HES7: variants seen among roughly 807,000 people sequenced by gnomAD.
HES7 encodes the protein transcription factor HES-7.
A neutral mutation model predicts 18.0 loss-of-function variants in HES7; 8 were observed. That is an observed-to-expected ratio of 0.45 (90% CI 0.26 to 0.80). The LOEUF (loss-of-function observed/expected upper bound fraction) is 0.80, where lower values mean the gene tolerates loss of function less well. Among genes scored for constraint, HES7 ranks in the 30% least tolerant of loss-of-function variants. The pLI is 0.18. For missense variants in HES7, 356 were observed against 340.9 expected (o/e 1.04, Z -0.35); for synonymous variants, 170 against 158.6 (o/e 1.07, Z -0.54).
In HES7 at chr17:8,121,139, T is replaced by C. The variant is rs1981296378; in HGVS notation, c.*432A>G. On this transcript the variant is annotated 3_prime_UTR_variant, in exon 4 of 4. Coordinates refer to ENST00000541682, the MANE Select transcript of HES7 (RefSeq NM_001165967.2). ...TCTCAGTTCCCGCTCTGCTCTCTTC[T>C]TTACTTACCTGTCTGCCCCGGGGCT... is the stretch of plus-strand genomic sequence containing the variant. 6.2e-6 allele frequency: 1 copy of C among 161,782 alleles called. No individual in the cohort carries two copies. The highest frequency in any genetic ancestry group is 2.0e-4 in the South Asian group (1 of 4,902). The allele number at this position is 161,782 out of a possible 1,614,324, so 10.0% of individuals were successfully genotyped here. A position where few individuals can be genotyped will look rare whatever the true frequency, so the allele number is the denominator to read the frequency against.
Position 8,123,304 on chromosome 17 carries a change from A to T in HES7, c.43-178T>A, listed in dbSNP as rs1280087764. The T allele has an allele frequency of 6.5e-6, 4 of 616,460 alleles. No individual in the cohort carries two copies. In the South Asian group the frequency reaches 7.2e-5, roughly 11 times the overall value. 38.2% of individuals were successfully genotyped at this position (616,460 alleles called of 1,614,324 possible). On this transcript the variant is annotated intron_variant, in intron 1 of 3. Transcript: ENST00000541682. This position sits in a 1 kb window ranked among gnomAD's most constrained non-coding sequence, Gnocchi z 5.9. ...CTCCCCCTCCCAATGCCCCTAGATC[A>T]GTTTCTGTAGCTCGCCTCCCCGGAT... is the stretch of plus-strand genomic sequence containing the variant.
At chr17:8,124,176 G>A (rs539964275), upstream of HES7, 9 of 1,491,870 alleles carry the variant, frequency 6.0e-6, no homozygotes, top group East Asian at 2.1e-4. Context: ...ACCCGACCCC[G>A]CCCCCTTCGA....
At position 8,120,929 on chromosome 17, in the gene HES7, C is replaced by T. The variant is rs1423440701; in HGVS notation, c.*642G>A. On this transcript the variant is annotated 3_prime_UTR_variant, in exon 4 of 4. Transcript: ENST00000541682. ...AGACGCCGCCGTTCGTCGGGTGGCT[C>T]TGTGGCGCAATGGATAGCGCATTGG... is the stretch of plus-strand genomic sequence containing the variant. 3.9e-5 allele frequency: 6 copies of T among 152,724 alleles called. No individual in the cohort carries two copies. Among genetic ancestry groups the T allele is most frequent in the Non-Finnish European group, 7.3e-5 (5 of 68,070 alleles). The allele number at this position is 152,724 out of a possible 1,614,324, so 9.5% of individuals were successfully genotyped here.
At position 8,123,341 on chromosome 17, in the gene HES7, C is replaced by G. The variant is rs573348922; in HGVS notation, c.43-215G>C. ...TCGCCTCCCCGGATCTTCGCATTCT[C>G]CTCTCTCAGTCTCGTCCTCCCTCCT... On this transcript the variant is annotated intron_variant, in intron 1 of 3. Transcript: ENST00000541682. This position sits in a 1 kb window ranked among gnomAD's most constrained non-coding sequence, Gnocchi z 5.9. The G allele has an allele frequency of 1.7e-6, 1 of 601,106 alleles. No individual in the cohort carries two copies. Among genetic ancestry groups the G allele is most frequent in the Non-Finnish European group, 3.0e-6 (1 of 335,364 alleles). 37.2% of individuals were successfully genotyped at this position (601,106 alleles called of 1,614,324 possible). A position where few individuals can be genotyped will look rare whatever the true frequency, so the allele number is the denominator to read the frequency against.
At position 8,122,917 on chromosome 17, in the gene HES7, T is replaced by G; in HGVS notation, c.138+114A>C. ...TGGAATTCCAAAGGCGGGACTCGGG[T>G]GAGGATGCCTTGGGGCCAGGGTTGC... On this transcript the variant is annotated intron_variant, in intron 2 of 3. Transcript: ENST00000541682. The surrounding 1 kb of genome is among the most constrained non-coding windows in gnomAD (Gnocchi z 6.9). 3.8e-6 allele frequency: 3 copies of G among 796,986 alleles called. No homozygotes were observed. The highest frequency in any genetic ancestry group is 6.5e-6 in the Non-Finnish European group (3 of 459,532). The allele number at this position is 796,986 out of a possible 1,614,324, so 49.4% of individuals were successfully genotyped here.
At position 8,120,966 on chromosome 17, in the gene HES7, C is replaced by G. The variant is rs1046492807; in HGVS notation, c.*605G>C. The G allele has an allele frequency of 6.5e-6, 1 of 152,710 alleles. No individual in the cohort carries two copies. Among genetic ancestry groups the G allele is most frequent in the African/African-American group, 2.4e-5 (1 of 41,460 alleles). 9.5% of individuals were successfully genotyped at this position (152,710 alleles called of 1,614,324 possible). On this transcript the variant is annotated 3_prime_UTR_variant, in exon 4 of 4. Transcript: ENST00000541682. ...GGATAGCGCATTGGACTTCTAGTGA[C>G]GAATAGAGCAATTCAAAGGTTGTGG...
In HES7 at chr17:8,120,933, G is replaced by A. The variant is rs975658880; in HGVS notation, c.*638C>T. On this transcript the variant is annotated 3_prime_UTR_variant, in exon 4 of 4. Transcript: ENST00000541682. ...GCCGCCGTTCGTCGGGTGGCTCTGT[G>A]GCGCAATGGATAGCGCATTGGACTT... is the stretch of plus-strand genomic sequence containing the variant. The A allele has an allele frequency of 4.6e-5, 7 of 152,820 alleles. No homozygotes were observed. Among genetic ancestry groups the A allele is most frequent in the Middle Eastern group, 3.4e-3 (1 of 294 alleles). The allele number at this position is 152,820 out of a possible 1,614,324, so 9.5% of individuals were successfully genotyped here.
rs1264188942 is a variant in HES7, at chr17:8,122,101, C to A, written c.227-64G>T. The stretch of plus-strand genomic sequence containing the variant: ...GGCCCGGCAGGGGTGAGGGAAGGGG[C>A]GGGGCGCAGAGATACCAAGGCCGGA... On this transcript the variant is annotated intron_variant, in intron 3 of 3. Coordinates refer to ENST00000541682, the MANE Select transcript of HES7 (RefSeq NM_001165967.2). This position sits in a 1 kb window ranked among gnomAD's most constrained non-coding sequence, Gnocchi z 6.9. The A allele has an allele frequency of 1.5e-6, 2 of 1,376,608 alleles. No individual in the cohort carries two copies. Among genetic ancestry groups the A allele is most frequent in the African/African-American group, 1.5e-5 (1 of 66,988 alleles). 85.3% of individuals were successfully genotyped at this position (1,376,608 alleles called of 1,614,324 possible). A position where few individuals can be genotyped will look rare whatever the true frequency, so the allele number is the denominator to read the frequency against.
At position 8,123,116 on chromosome 17, in the gene HES7, G is replaced by T; in HGVS notation, c.53C>A (p.Pro18Gln). Reference protein sequence around the residue: ...ENRDGPKMLKPLVEKRRRDRI... With the variant: ...ENRDGPKMLKQLVEKRRRDRI... ...GTCCCGGCGCCGCTTCTCCACAAGCGGCTTGAGCATCTGCGACCAGCGAGA... is the reference window on the plus strand; with the variant it reads ...GTCCCGGCGCCGCTTCTCCACAAGCTGCTTGAGCATCTGCGACCAGCGAGA... Residue 18 changes from proline (P) to glutamine (Q), a missense_variant, in exon 2 of 4, where the codon CCG (proline) becomes CAG (glutamine). Pro to Gln is a moderately conservative substitution (Grantham distance 76, BLOSUM62 -1). Transcript: ENST00000541682. This position sits in a 1 kb window ranked among gnomAD's most constrained non-coding sequence, Gnocchi z 5.9. 1.9e-6 allele frequency: 3 copies of T among 1,606,336 alleles called. No homozygotes were observed. Among genetic ancestry groups the T allele is most frequent in the South Asian group, 1.1e-5 (1 of 89,752 alleles).
At position 8,123,826 on chromosome 17, in the gene HES7, T is replaced by C. The variant is rs1659863886; in HGVS notation, c.42+217A>G. ...TGCCGACACCCATTACCGAGGCCCC[T>C]AGTCCTATGTTCCCGCCGCCCACTC... On this transcript the variant is annotated intron_variant, in intron 1 of 3. Transcript: ENST00000541682. This position sits in a 1 kb window ranked among gnomAD's most constrained non-coding sequence, Gnocchi z 5.9. 6.6e-6 allele frequency among the ~76,000 whole-genome samples: 1 copy of C among 152,160 alleles called. No individual in the cohort carries two copies. Among genetic ancestry groups the C allele is most frequent in the Non-Finnish European group, 1.5e-5 (1 of 68,026 alleles).
rs1981308075 is a variant in HES7, at chr17:8,121,396, A to T, written c.*175T>A. 6 of 426,252 alleles carry T rather than the reference A, an allele frequency of 1.4e-5. No individual in the cohort carries two copies. The allele number at this position is 426,252 out of a possible 1,614,324, so 26.4% of individuals were successfully genotyped here. A position where few individuals can be genotyped will look rare whatever the true frequency, so the allele number is the denominator to read the frequency against. On this transcript the variant is annotated 3_prime_UTR_variant, in exon 4 of 4. Coordinates refer to ENST00000541682, the MANE Select transcript of HES7 (RefSeq NM_001165967.2). ...CAGGGAAAAGGGACAGGAACCAGGG[A>T]AATATATATTTATATAGATACTCTA...
In HES7 at chr17:8,121,643, C is replaced by A; in HGVS notation, c.621G>T (p.Pro207=). 7.6e-7 allele frequency: 1 copy of A among 1,319,372 alleles called. No homozygotes were observed. The highest frequency in any genetic ancestry group is 9.6e-7 in the Non-Finnish European group (1 of 1,042,182). 81.7% of individuals were successfully genotyped at this position (1,319,372 alleles called of 1,614,324 possible). A position where few individuals can be genotyped will look rare whatever the true frequency, so the allele number is the denominator to read the frequency against. Residue 207 remains proline, a synonymous_variant, in exon 4 of 4, where the codon CCG becomes CCT. Coordinates refer to ENST00000541682, the MANE Select transcript of HES7 (RefSeq NM_001165967.2). ...PLTGLLPPPP[P]PHRQDGAPKA... ...TGGGCGCCCCGTCTTGTCTGTGAGG[C>A]GGCGGTGGCGGCGGCAGCAGTCCGG...
Position 8,122,577 on chromosome 17 carries a change from G to T in HES7, c.139-147C>A. On this transcript the variant is annotated intron_variant, in intron 2 of 3. Transcript: ENST00000541682. This position sits in a 1 kb window ranked among gnomAD's most constrained non-coding sequence, Gnocchi z 6.9. ...CTGCCCACAGAACGCGCGACCAAAT[G>T]CGGAGTGGAGATGACCAAGGAAAGT... The T allele has an allele frequency of 3.0e-6, 2 of 668,098 alleles. No individual in the cohort carries two copies. Among genetic ancestry groups the T allele is most frequent in the Non-Finnish European group, 5.5e-6 (2 of 366,506 alleles). 41.4% of individuals were successfully genotyped at this position (668,098 alleles called of 1,614,324 possible).
At position 8,122,661 on chromosome 17, in the gene HES7, C is replaced by A. The variant is rs116858236; in HGVS notation, c.139-231G>T. Among the ~76,000 whole-genome samples the A allele has an allele frequency of 0.018, 2,673 of 152,108 alleles. 42 individuals carry two copies. The highest frequency in any genetic ancestry group is 0.028 in the Non-Finnish European group (1,908 of 67,992). On this transcript the variant is annotated intron_variant, in intron 2 of 3. Transcript: ENST00000541682. The surrounding 1 kb of genome is among the most constrained non-coding windows in gnomAD (Gnocchi z 6.9). ...TAGGGGTTGGAACCAATGCCCAACG[C>A]GTGAGGAGGAGATTTGAAACCGCAA...
In HES7 at chr17:8,123,019, G is replaced by A; in HGVS notation, c.138+12C>T. The A allele has an allele frequency of 6.3e-7, 1 of 1,584,518 alleles. No homozygotes were observed. The highest frequency in any genetic ancestry group is 8.6e-7 in the Non-Finnish European group (1 of 1,163,450). On this transcript the variant is annotated intron_variant, in intron 2 of 3. Coordinates refer to ENST00000541682, the MANE Select transcript of HES7 (RefSeq NM_001165967.2). The surrounding 1 kb of genome is among the most constrained non-coding windows in gnomAD (Gnocchi z 5.9). ...GGAAGCTTGGGGACCTAGGGCTAGCGGAGGGACTGACCTGGTCCCGGGTCC... is the reference window on the plus strand; with the variant it reads ...GGAAGCTTGGGGACCTAGGGCTAGCAGAGGGACTGACCTGGTCCCGGGTCC...
At chr17:8,125,147 C>A (rs1277297352), upstream of HES7, among the ~76,000 whole-genome samples, 1 of 152,180 alleles carries the variant, frequency 6.6e-6, no homozygotes, top group African/African-American at 2.4e-5. Context: ...GGCTTCAGGA[C>A]AAAGTGTCTG....
chr17:8,122,284 G>A lies in HES7; in HGVS notation c.226+59C>T, dbSNP rs1981391835. The A allele has an allele frequency of 2.1e-6, 3 of 1,422,264 alleles. No individual in the cohort carries two copies. The highest frequency in any genetic ancestry group is 2.1e-4 in the Middle Eastern group (1 of 4,726). 88.1% of individuals were successfully genotyped at this position (1,422,264 alleles called of 1,614,324 possible). A position where few individuals can be genotyped will look rare whatever the true frequency, so the allele number is the denominator to read the frequency against. Reference sequence around the variant, plus strand: ...CCGCAGGGCCCGCCCACTCTGCCCCGGCCGGAGCCTCCTGGCGTCCCCCCT... The same window carrying A: ...CCGCAGGGCCCGCCCACTCTGCCCCAGCCGGAGCCTCCTGGCGTCCCCCCT... On this transcript the variant is annotated intron_variant, in intron 3 of 3. Transcript: ENST00000541682. The surrounding 1 kb of genome is among the most constrained non-coding windows in gnomAD (Gnocchi z 6.9).
At position 8,121,628 on chromosome 17, in the gene HES7, G is replaced by A. The variant is rs905790545; in HGVS notation, c.636C>T (p.Asp212=). 7.6e-7 allele frequency: 1 copy of A among 1,314,144 alleles called. No individual in the cohort carries two copies. Among genetic ancestry groups the A allele is most frequent in the African/African-American group, 1.5e-5 (1 of 64,808 alleles). 81.4% of individuals were successfully genotyped at this position (1,314,144 alleles called of 1,614,324 possible). Residue 212 remains aspartate (D), a synonymous_variant, in exon 4 of 4, where the codon GAC becomes GAT. Transcript: ENST00000541682. ...LPPPPPPHRQ[D]GAPKAPLPPP... ...GGGGCAGCGGGGCCTTGGGCGCCCC[G>A]TCTTGTCTGTGAGGCGGCGGTGGCG...
At position 8,122,985 on chromosome 17, in the gene HES7, G is replaced by A. The variant is rs1178707529; in HGVS notation, c.138+46C>T. 6.8e-7 allele frequency: 1 copy of A among 1,472,736 alleles called. No individual in the cohort carries two copies. Among genetic ancestry groups the A allele is most frequent in the East Asian group, 2.4e-5 (1 of 41,054 alleles). The allele number at this position is 1,472,736 out of a possible 1,614,324, so 91.2% of individuals were successfully genotyped here. A position where few individuals can be genotyped will look rare whatever the true frequency, so the allele number is the denominator to read the frequency against. ...CCACCCCAGTGGGAAGCCCTGGGAC[G>A]CGGAAACGGGAAGCTTGGGGACCTA... On this transcript the variant is annotated intron_variant, in intron 2 of 3. Transcript: ENST00000541682. The surrounding 1 kb of genome is among the most constrained non-coding windows in gnomAD (Gnocchi z 6.9).
Sources: gnomAD v4.1 joint callset for allele counts (sites outside exome capture counted in the v4.1 genomes callset) on GRCh38, gnomAD v4.1.1 for gene constraint, Gnocchi (gnomAD v3.1) non-coding constraint, MANE v1.5 for transcripts, NCBI Gene and HGNC (gene_info 2026-07-23, HGNC 2026-07-21) for gene names.